Variants in CDH4 observed in about 807,000 individuals in gnomAD.
CDH4 encodes the protein cadherin-4.
CDH4 carries 33 observed loss-of-function variants against 86.0 expected under a neutral mutation model. The observed-to-expected ratio is 0.38, with a 90% CI of 0.29 to 0.51. The LOEUF (loss-of-function observed/expected upper bound fraction) is 0.51, where lower values mean the gene tolerates loss of function less well. Among genes scored for constraint, CDH4 ranks in the 20% least tolerant of loss-of-function variants. CDH4 has a pLI of 0.86. For missense variants in CDH4, 1,114 were observed against 1,307.4 expected (o/e 0.85, Z 2.28); for synonymous variants, 555 against 549.4 (o/e 1.01, Z -0.14).
At chr20:61,934,866 C>T (rs1460116575) in intron 15 of CDH4, among the ~76,000 whole-genome samples, 1 of 152,232 alleles carries the variant, frequency 6.6e-6, no homozygotes, top group Non-Finnish European at 1.5e-5. Context: ...GACCAACAAG[C>T]AGCACACCCC....
intron 4 of CDH4, among the ~76,000 whole-genome samples, chr20:61,789,571 A>G (rs535333981): frequency 7.3e-4 from 111 of 152,314 alleles, no homozygotes; most frequent in Middle Eastern, 6.8e-3. Flanking sequence ...TTCTACACAC[A>G]TAAGGCACAT....
chr20:61,273,207 T>C (rs2084194923), intron 2 of CDH4, among the ~76,000 whole-genome samples: 1 of 101,716 alleles, frequency 9.8e-6, no homozygotes, highest in Non-Finnish European at 1.9e-5. Context: ...CCATGCGCAG[T>C]TTGGGAGAGT....
chr20:61,899,723 A>G (rs1985298449), intron 8 of CDH4, among the ~76,000 whole-genome samples: 1 of 152,180 alleles, frequency 6.6e-6, no homozygotes, highest in East Asian at 1.9e-4. Context: ...CACCGCACCC[A>G]GCCCAGGTTA....
chr20:61,932,880 G>A (rs532342275), intron 13 of CDH4, 105 bp from the exon 14 acceptor site: 1 of 1,444,572 alleles, frequency 6.9e-7, no homozygotes, highest in African/African-American at 1.4e-5. Flanking sequence ...AGTCATGCTT[G>A]TGTGCCACCT....
intron 4 of CDH4, among the ~76,000 whole-genome samples, chr20:61,820,043 C>T (rs1980934492): frequency 6.6e-6 from 1 of 152,352 alleles, no homozygotes; most frequent in South Asian, 2.1e-4. Flanking sequence ...CCTCCTCCCG[C>T]ACTCTCCCAT....
At chr20:61,620,841 C>G (rs1344453730) in intron 2 of CDH4, among the ~76,000 whole-genome samples, 1 of 152,184 alleles carries the variant, frequency 6.6e-6, no homozygotes. Context: ...CATGCCATCC[C>G]GGTTATCAAA....
In CDH4 at chr20:61,868,388, C is replaced by T. The variant is rs574671535; in HGVS notation, c.878-5340C>T. Among the ~76,000 whole-genome samples, 170 of 152,218 alleles carry T rather than the reference C, an allele frequency of 1.1e-3. 3 individuals are homozygous for T. The highest frequency in any genetic ancestry group is 7.5e-4 in the African/African-American group (31 of 41,538). Reference sequence around the variant, plus strand: ...GGGAGGCAGCCTGGCTGGTTCCTGCCGCAGAGGCCCAGCTTCTAATGGGGC... The same window carrying T: ...GGGAGGCAGCCTGGCTGGTTCCTGCTGCAGAGGCCCAGCTTCTAATGGGGC... On this transcript the variant is annotated intron_variant, in intron 6 of 15. Coordinates refer to ENST00000614565, the MANE Select transcript of CDH4 (RefSeq NM_001794.5).
chr20:61,858,299 C>G (rs982559045), intron 6 of CDH4, among the ~76,000 whole-genome samples: 136 of 62,650 alleles, frequency 2.2e-3, no homozygotes, highest in Non-Finnish European at 4.4e-3. Flanking sequence ...GTGTGTGTGT[C>G]TCTGTGTCTG....
intron 2 of CDH4, among the ~76,000 whole-genome samples, chr20:61,594,264 A>C: frequency 1.8e-5 from 1 of 54,760 alleles, no homozygotes; most frequent in Non-Finnish European, 3.5e-5. Context: ...GGTGGGGGGG[A>C]AGAGGGAAGG....
At chr20:61,493,966 C>G (rs1433533230) in intron 2 of CDH4, among the ~76,000 whole-genome samples, 3 of 152,214 alleles carry the variant, frequency 2.0e-5, no homozygotes, top group African/African-American at 7.2e-5. Flanking sequence ...GAAGCAAGAC[C>G]TGAACACTCT....
intron 2 of CDH4, among the ~76,000 whole-genome samples, chr20:61,277,910 G>A (rs960403677): frequency 2.0e-5 from 3 of 152,212 alleles, no homozygotes; most frequent in South Asian, 2.1e-4. Context: ...CTCTGGTTCC[G>A]ACTTGGAACT....
At position 61,307,030 on chromosome 20, in the gene CDH4, T is replaced by C. The variant is rs141429878; in HGVS notation, c.169+52093T>C. Reference sequence around the variant, plus strand: ...ACAAAAGAATTTGAGAGCCAGTCCATAGTGAGAGTAAGCAAAGAAGTTTAT... The same window carrying C: ...ACAAAAGAATTTGAGAGCCAGTCCACAGTGAGAGTAAGCAAAGAAGTTTAT... On this transcript the variant is annotated intron_variant, in intron 2 of 15. Transcript: ENST00000614565. 8.6e-3 allele frequency among the ~76,000 whole-genome samples: 1,316 copies of C among 152,234 alleles called. 12 individuals are homozygous for C. Among genetic ancestry groups the C allele is most frequent in the African/African-American group, 0.03 (1,253 of 41,552 alleles).
In CDH4 at chr20:61,452,436, G is replaced by A. The variant is rs890157023; in HGVS notation, c.169+197499G>A. Among the ~76,000 whole-genome samples, 12 of 152,090 alleles carry A rather than the reference G, an allele frequency of 7.9e-5. 1 individual carries two copies. The South Asian group carries it at 2.1e-3, about 26-fold the overall frequency. On this transcript the variant is annotated intron_variant, in intron 2 of 15. Coordinates refer to ENST00000614565, the MANE Select transcript of CDH4 (RefSeq NM_001794.5). Reference sequence around the variant, plus strand: ...TCCTAGTGGGAATTTATATAAAAGCGTTCAGACTCTGCAGAATAGCCACGT... The same window carrying A: ...TCCTAGTGGGAATTTATATAAAAGCATTCAGACTCTGCAGAATAGCCACGT...
chr20:61,332,861 A>G (rs1243714970), intron 2 of CDH4, among the ~76,000 whole-genome samples: 3 of 152,208 alleles, frequency 2.0e-5, no homozygotes, highest in Non-Finnish European at 4.4e-5. Context: ...TTTCGGGAGA[A>G]GGCTGTGGTC....
intron 2 of CDH4, among the ~76,000 whole-genome samples, chr20:61,304,186 G>T (rs2084401545): frequency 6.6e-6 from 1 of 152,034 alleles, no homozygotes; most frequent in Non-Finnish European, 1.5e-5. Context: ...ACGAATCCTG[G>T]TTTTAGGTCT....
At chr20:61,281,325 G>GATGA (rs1381959204) in intron 2 of CDH4, among the ~76,000 whole-genome samples, 3 of 152,188 alleles carry the variant, frequency 2.0e-5, no homozygotes, top group African/African-American at 4.8e-5. Context: ...TCATGAGTGG[G>GATGA]ATGAATGCCC....
chr20:61,910,865 C>A (rs569512835), intron 9 of CDH4, among the ~76,000 whole-genome samples: 3 of 152,280 alleles, frequency 2.0e-5, no homozygotes, highest in South Asian at 4.1e-4. Context: ...ACTCCCACCC[C>A]CTAATCTAGT....
intron 2 of CDH4, among the ~76,000 whole-genome samples, chr20:61,611,206 C>T (rs1600805724): frequency 6.6e-6 from 1 of 152,068 alleles, no homozygotes; most frequent in African/African-American, 2.4e-5. Context: ...GCCCCAGCCC[C>T]TTTCCTTCCT....
intron 2 of CDH4, among the ~76,000 whole-genome samples, chr20:61,361,469 A>G (rs1375649049): frequency 6.6e-6 from 1 of 151,990 alleles, no homozygotes. Flanking sequence ...GGGGAGGGGG[A>G]TACAGCTGCA....
Sources: allele counts gnomAD v4.1 joint callset (sites outside exome capture counted in the v4.1 genomes callset), GRCh38; gene constraint gnomAD v4.1.1; transcripts MANE v1.5; gene names NCBI Gene and HGNC (gene_info 2026-07-23, HGNC 2026-07-21).